Variants in SANBR observed in about 807,000 individuals in gnomAD.
SANBR encodes SANT and BTB domain regulator of CSR.
Under a neutral mutation model 101.8 loss-of-function variants are expected in SANBR, and 77 were observed. That is an observed-to-expected ratio of 0.76 (90% CI 0.63 to 0.91). The LOEUF (loss-of-function observed/expected upper bound fraction) is 0.91, where lower values mean the gene tolerates loss of function less well. SANBR is among the 40% of genes least tolerant of loss of function. The pLI, the probability that SANBR is intolerant of heterozygous loss-of-function variation, is 0.00. For missense variants in SANBR, 875 were observed against 853.0 expected (o/e 1.03, Z -0.32); for synonymous variants, 279 against 274.7 (o/e 1.02, Z -0.15).
At chr2:61,079,306 T>C (rs1271325620) in intron 6 of SANBR, among the ~76,000 whole-genome samples, 1 of 152,166 alleles carries the variant, frequency 6.6e-6, no homozygotes, top group Non-Finnish European at 1.5e-5. Flanking sequence ...AGAATTACTG[T>C]AATAAGAATA....
In SANBR at chr2:61,071,767, T is replaced by C. The variant is rs911721278; in HGVS notation, c.312T>C (p.Val104=). ...ATGGAGAATTTCAGGAGACTCCAGT[T>C]GGACATGATGCAGTTTCCAAAACTG... The part of the protein sequence containing the change: ...DIHGEFQETP[V]GHDAVSKTGR... Residue 104 remains valine, a synonymous_variant, in exon 4 of 22, where the codon GTT becomes GTC. Transcript: ENST00000402291. The C allele has an allele frequency of 1.2e-6, 2 of 1,600,864 alleles. No individual in the cohort carries two copies. Among genetic ancestry groups the C allele is most frequent in the African/African-American group, 2.7e-5 (2 of 73,930 alleles).
Position 61,076,925 on chromosome 2 carries a change from A to G in SANBR, c.437A>G (p.Asn146Ser), listed in dbSNP as rs1479746730. 1 of 1,610,540 alleles carries G rather than the reference A, an allele frequency of 6.2e-7. No homozygotes were observed. The highest frequency in any genetic ancestry group is 2.2e-5 in the East Asian group (1 of 44,860). Residue 146 changes from asparagine to serine, a missense_variant, in exon 6 of 22, where the codon AAC (asparagine) becomes AGC (serine). Transcript: ENST00000402291. ...TGTGTAACATTTTTATGAAGGCCAAACATGGTGATCCATGTGTGTGATGAA... is the reference window on the plus strand; with the variant it reads ...TGTGTAACATTTTTATGAAGGCCAAGCATGGTGATCCATGTGTGTGATGAA... ...GEMTEESEGP[N>S]MVIHVCDEAK...
intron 12 of SANBR, among the ~76,000 whole-genome samples, chr2:61,098,352 C>T (rs1272787750): frequency 2.6e-5 from 4 of 152,138 alleles, no homozygotes; most frequent in Admixed American, 6.5e-5. Context: ...GATCTGCCTG[C>T]TTTGGCCTCC....
Position 61,123,054 on chromosome 2 carries a change from G to A in SANBR, c.*892G>A. On this transcript the variant is annotated 3_prime_UTR_variant, in exon 22 of 22. Transcript: ENST00000402291. ...TAAAATTTTCCAAATACATTAGATA[G>A]GTGAAAATTTGCATATATTCAAGAA... 2 of 973,058 alleles carry A rather than the reference G, an allele frequency of 2.1e-6. No individual in the cohort carries two copies. The highest frequency in any genetic ancestry group is 2.4e-6 in the Non-Finnish European group (2 of 818,598). The allele number at this position is 973,058 out of a possible 1,614,324, so 60.3% of individuals were successfully genotyped here.
rs141552457 is a variant in SANBR, at chr2:61,077,045, G to A, written c.557G>A (p.Arg186His). The change falls in exon 6 of 22, where the codon CGC (arginine) becomes CAC (histidine). Residue 186 changes from arginine (R) to histidine (H), a missense_variant. Physicochemically the swap from Arg to His is conservative, Grantham distance 29. Coordinates refer to ENST00000402291, the MANE Select transcript of SANBR (RefSeq NM_001129993.3). ...GAATATTTATCTATGGATGCCCAGCGCTGGGAAGAGGTGGACATTTCAGTT... is the reference window on the plus strand; with the variant it reads ...GAATATTTATCTATGGATGCCCAGCACTGGGAAGAGGTGGACATTTCAGTT... ...FAEYLSMDAQ[R>H]WEEVDISVHC... 9 of 1,613,782 alleles carry A rather than the reference G, an allele frequency of 5.6e-6. No individual in the cohort carries two copies. Among genetic ancestry groups the A allele is most frequent in the South Asian group, 1.1e-5 (1 of 91,082 alleles).
chr2:61,080,378 C>G (rs1573599867), intron 6 of SANBR, among the ~76,000 whole-genome samples: 1 of 152,002 alleles, frequency 6.6e-6, no homozygotes, highest in African/African-American at 2.4e-5. Context: ...GGTACATTAC[C>G]ATTTCCTGAG....
At position 61,088,549 on chromosome 2, in the gene SANBR, T is replaced by G. The variant is rs573593986; in HGVS notation, c.1088+81T>G. The G allele has an allele frequency of 9.8e-6, 9 of 915,170 alleles. No individual in the cohort carries two copies. The Admixed American group carries it at 9.9e-5, about 10-fold the overall frequency. 56.7% of individuals were successfully genotyped at this position (915,170 alleles called of 1,614,324 possible). On this transcript the variant is annotated intron_variant, in intron 10 of 21. Transcript: ENST00000402291. ...TTGTTGTTGTTTTGGAGACGGAGTC[T>G]TACTCTGTCACCCAGGCTGGCGTGC...
At chr2:61,126,932 A>C (rs1440748852), downstream of SANBR, among the ~76,000 whole-genome samples, 1 of 152,076 alleles carries the variant, frequency 6.6e-6, no homozygotes, top group African/African-American at 2.4e-5. Flanking sequence ...CGCTGTCTAG[A>C]AGGCTGTTAT....
intron 3 of SANBR, among the ~76,000 whole-genome samples, chr2:61,071,305 C>T (rs1411834240): frequency 6.6e-6 from 1 of 151,972 alleles, no homozygotes. Flanking sequence ...AATCCCAGCA[C>T]TTTGGGAAGC....
intron 15 of SANBR, among the ~76,000 whole-genome samples, chr2:61,108,592 T>C (rs1270297569): frequency 6.6e-6 from 1 of 152,208 alleles, no homozygotes; most frequent in African/African-American, 2.4e-5. Flanking sequence ...GTCACTCTTA[T>C]GTCATATTTA....
chr2:61,135,934 A>C (rs1684826476), intron 21 of SANBR, among the ~76,000 whole-genome samples: 1 of 152,220 alleles, frequency 6.6e-6, no homozygotes, highest in Non-Finnish European at 1.5e-5. Flanking sequence ...TTTGTATATT[A>C]ATAACACAGG....
At chr2:61,071,340 G>A (rs540274675) in intron 3 of SANBR, among the ~76,000 whole-genome samples, 160 of 152,170 alleles carry the variant, frequency 1.1e-3, no homozygotes, top group African/African-American at 3.7e-3. Context: ...CACGAGGTCA[G>A]GAGTTCAAGA....
intron 10 of SANBR, chr2:61,088,962 T>A (rs1475234432): frequency 1.1e-6 from 1 of 890,812 alleles, no homozygotes; most frequent in African/African-American, 1.8e-5. Context: ...TAGTACATTT[T>A]ATTTACTGGG....
At position 61,117,467 on chromosome 2, in the gene SANBR, T is replaced by C. The variant is rs746615765; in HGVS notation, c.1866T>C (p.Val622=). 3 of 1,613,678 alleles carry C rather than the reference T, an allele frequency of 1.9e-6. No homozygotes were observed. Among genetic ancestry groups the C allele is most frequent in the Non-Finnish European group, 1.7e-6 (2 of 1,179,696 alleles). The change falls in exon 19 of 22, where the codon GTT becomes GTC. Residue 622 remains valine, a splice_region_variant and synonymous_variant. Coordinates refer to ENST00000402291, the MANE Select transcript of SANBR (RefSeq NM_001129993.3). The part of the protein sequence containing the change: ...KSASRDVSPF[V]MSMQKNKWDA... The stretch of plus-strand genomic sequence containing the variant: ...GATTTTTGTTCAATTTTTTCAATAG[T>C]ATGAGTATGCAGAAGAATAAGTGGG...
chr2:61,068,436 G>T (rs1446896050), intron 1 of SANBR, among the ~76,000 whole-genome samples: 4 of 152,150 alleles, frequency 2.6e-5, no homozygotes, highest in Non-Finnish European at 5.9e-5. Context: ...AAAAATAATA[G>T]TAATAATTTA....
downstream of SANBR, among the ~76,000 whole-genome samples, chr2:61,126,052 A>G (rs1013702592): frequency 2.0e-5 from 3 of 152,162 alleles, no homozygotes; most frequent in African/African-American, 7.2e-5. Context: ...ACTGCTTAAC[A>G]TTTGTACTTG....
chr2:61,131,485 CAG>C (rs948441342), intron 20 of SANBR, among the ~76,000 whole-genome samples: 29 of 151,014 alleles, frequency 1.9e-4, no homozygotes, highest in Middle Eastern at 3.4e-3. Flanking sequence ...ACAAAAGAAA[CAG>C]AAAACATTCT....
At chr2:61,120,955 A>G (rs1378248428) in intron 20 of SANBR, among the ~76,000 whole-genome samples, 1 of 152,056 alleles carries the variant, frequency 6.6e-6, no homozygotes, top group South Asian at 2.1e-4. Context: ...TGATAGGACT[A>G]TTTTCTGTGT....
chr2:61,083,330 T>A lies in SANBR; in HGVS notation c.890+16T>A. ...AATTTAAAAGGTAATTTCAAAAGTT[T>A]AATTTTAAACCTAATACTCCTGTTA... On this transcript the variant is annotated intron_variant, in intron 8 of 21. Transcript: ENST00000402291. The A allele has an allele frequency of 6.9e-7, 1 of 1,455,804 alleles. No individual in the cohort carries two copies. Among genetic ancestry groups the A allele is most frequent in the Non-Finnish European group, 9.5e-7 (1 of 1,049,028 alleles). The allele number at this position is 1,455,804 out of a possible 1,614,324, so 90.2% of individuals were successfully genotyped here.
Sources: gnomAD v4.1 joint callset for allele counts (sites outside exome capture counted in the v4.1 genomes callset) on GRCh38, gnomAD v4.1.1 for gene constraint, MANE v1.5 for transcripts, NCBI Gene and HGNC (gene_info 2026-07-23, HGNC 2026-07-21) for gene names.